Variants in IMMP2L observed in about 807,000 individuals in gnomAD.
IMMP2L encodes the protein inner mitochondrial membrane peptidase subunit 2, also known as mitochondrial inner membrane protease subunit 2.
IMMP2L carries 18 observed loss-of-function variants against 19.3 expected under a neutral mutation model. The ratio of observed to expected loss-of-function variants is 0.93; its 90% confidence interval spans 0.64 to 1.38. The LOEUF (loss-of-function observed/expected upper bound fraction) is 1.38. IMMP2L is among the 40% of genes most tolerant of loss of function. IMMP2L has a pLI of 0.00. For synonymous variants in IMMP2L, 76 were observed against 73.0 expected, an observed-to-expected ratio of 1.04 and a Z score of -0.21; for missense variants, 233 against 218.2, an observed-to-expected ratio of 1.07 and a Z score of -0.43.
At chr7:111,160,224 A>G (rs1297165885) in intron 3 of IMMP2L, among the ~76,000 whole-genome samples, 3 of 152,122 alleles carry the variant, frequency 2.0e-5, no homozygotes, top group African/African-American at 2.4e-5. Flanking sequence ...AAAGTATGCC[A>G]TAAGTATGTT....
intron 3 of IMMP2L, among the ~76,000 whole-genome samples, chr7:111,004,291 C>G (rs752709082): frequency 6.2e-4 from 95 of 152,142 alleles, no homozygotes; most frequent in Non-Finnish European, 1.2e-3. Context: ...GATCCTCCCC[C>G]GCTCAGCCTC....
intron 3 of IMMP2L, among the ~76,000 whole-genome samples, chr7:111,009,047 G>T (rs1221926192): frequency 6.6e-6 from 1 of 151,976 alleles, no homozygotes; most frequent in Admixed American, 6.6e-5. Flanking sequence ...GTCAGTATTT[G>T]CTTCATATCA....
intron 3 of IMMP2L, among the ~76,000 whole-genome samples, chr7:111,379,043 G>C (rs960571159): frequency 2.0e-5 from 3 of 151,292 alleles, no homozygotes; most frequent in African/African-American, 7.3e-5. Context: ...TTATTAAAAG[G>C]CTAATGAGAC....
chr7:110,882,581 A>G (rs1809797324), intron 5 of IMMP2L, among the ~76,000 whole-genome samples: 1 of 151,862 alleles, frequency 6.6e-6, no homozygotes, highest in Non-Finnish European at 1.5e-5. Context: ...GGATTTCACC[A>G]TGTTGGTCAG....
At position 111,536,127 on chromosome 7, in the gene IMMP2L, C is replaced by G. The variant is rs73426262; in HGVS notation, c.-2-14678G>C. 7.0e-3 allele frequency among the ~76,000 whole-genome samples: 1,069 copies of G among 152,194 alleles called. 18 individuals are homozygous for G. The highest frequency in any genetic ancestry group is 0.025 in the African/African-American group (1,031 of 41,510). On this transcript the variant is annotated intron_variant, in intron 1 of 5. Transcript: ENST00000405709. ...TAAAGTCAGTAATGAGTTTAAACTA[C>G]TGGAAAAACAGCTTTGAATGTGCTA...
intron 3 of IMMP2L, among the ~76,000 whole-genome samples, chr7:111,032,232 C>T (rs531280892): frequency 6.6e-6 from 1 of 152,244 alleles, no homozygotes; most frequent in East Asian, 1.9e-4. Flanking sequence ...TGAGCCACCG[C>T]ATCTGACCTG....
chr7:110,950,860 A>ATATG (rs972582948), intron 4 of IMMP2L, among the ~76,000 whole-genome samples: 11 of 138,810 alleles, frequency 7.9e-5, no homozygotes, highest in African/African-American at 3.3e-4. Context: ...ATATATATAT[A>ATATG]TATATATATA....
At chr7:111,074,438 G>A (rs996427773) in intron 3 of IMMP2L, among the ~76,000 whole-genome samples, 22 of 152,142 alleles carry the variant, frequency 1.4e-4, no homozygotes, top group African/African-American at 2.2e-4. Context: ...CTTAAGGTTC[G>A]GAGCAAAACC....
intron 3 of IMMP2L, among the ~76,000 whole-genome samples, chr7:111,274,885 T>G (rs777629601): frequency 6.6e-6 from 1 of 152,128 alleles, no homozygotes; most frequent in Admixed American, 6.6e-5. Flanking sequence ...AGTGCAGACA[T>G]GAAAAGATAC....
intron 3 of IMMP2L, among the ~76,000 whole-genome samples, chr7:111,229,278 C>T (rs1480793500): frequency 6.6e-6 from 1 of 151,804 alleles, no homozygotes; most frequent in Non-Finnish European, 1.5e-5. Flanking sequence ...AAAGGAAATA[C>T]CGAGAGTATT....
At chr7:111,014,997 G>T (rs954303674) in intron 3 of IMMP2L, among the ~76,000 whole-genome samples, 8 of 152,140 alleles carry the variant, frequency 5.3e-5, no homozygotes, top group African/African-American at 1.9e-4. Context: ...CAGTAAGGAG[G>T]TTCCTCAAAA....
chr7:110,893,535 A>G (rs1811027798), intron 4 of IMMP2L, among the ~76,000 whole-genome samples: 1 of 152,220 alleles, frequency 6.6e-6, no homozygotes, highest in Non-Finnish European at 1.5e-5. Context: ...ATAGTTCATG[A>G]ACACTTTAGA....
At chr7:111,441,276 T>G (rs1837688175) in intron 3 of IMMP2L, among the ~76,000 whole-genome samples, 1 of 151,916 alleles carries the variant, frequency 6.6e-6, no homozygotes, top group Non-Finnish European at 1.5e-5. Context: ...CAACACGCCC[T>G]CCTCACTAAG....
chr7:110,970,524 T>C (rs1347950226), intron 3 of IMMP2L, among the ~76,000 whole-genome samples: 1 of 152,104 alleles, frequency 6.6e-6, no homozygotes, highest in African/African-American at 2.4e-5. Flanking sequence ...GTGAAAATCA[T>C]ATTCCCTAAT....
intron 4 of IMMP2L, among the ~76,000 whole-genome samples, chr7:110,888,867 A>G (rs1430108852): frequency 6.6e-6 from 1 of 152,130 alleles, no homozygotes; most frequent in Non-Finnish European, 1.5e-5. Context: ...TGTTCATAAG[A>G]GTATCCCCAG....
At chr7:111,561,775 A>T (rs1222385041) in intron 1 of IMMP2L, 76 bp downstream of exon 1, 2 of 152,686 alleles carry the variant, frequency 1.3e-5, no homozygotes, top group African/African-American at 4.8e-5. Context: ...AGTTCTGGAC[A>T]TCTAGCCCTT....
Position 111,481,125 on chromosome 7 carries a change from T to C in IMMP2L, c.239+6113A>G, listed in dbSNP as rs146920383. On this transcript the variant is annotated intron_variant, in intron 3 of 5. Coordinates refer to ENST00000405709, the MANE Select transcript of IMMP2L (RefSeq NM_032549.4). ...GTTTAGCATGACAAAAACCAGCTGT[T>C]GAAACTGCTGTATTATGCACACTGT... Among the ~76,000 whole-genome samples the C allele has an allele frequency of 9.2e-5, 14 of 152,220 alleles. No individual in the cohort carries two copies. The East Asian group carries it at 2.7e-3, about 29-fold the overall frequency.
chr7:111,452,636 T>C (rs1839309716), intron 3 of IMMP2L, among the ~76,000 whole-genome samples: 1 of 152,148 alleles, frequency 6.6e-6, no homozygotes, highest in Non-Finnish European at 1.5e-5. Context: ...TACACATCCG[T>C]TGACTTCCTG....
At chr7:110,705,833 G>A (rs1201241123) in intron 5 of IMMP2L, among the ~76,000 whole-genome samples, 4 of 151,992 alleles carry the variant, frequency 2.6e-5, no homozygotes, top group African/African-American at 9.7e-5. Context: ...TTCTGTTCCT[G>A]TATTAATTTG....
Sources: gnomAD v4.1 joint callset for allele counts (sites outside exome capture counted in the v4.1 genomes callset) on GRCh38, gnomAD v4.1.1 for gene constraint, MANE v1.5 for transcripts, NCBI Gene and HGNC (gene_info 2026-07-23, HGNC 2026-07-21) for gene names.